The following BICD1 variants were observed in gnomAD, a reference collection of about 807,000 sequenced individuals.
BICD1 encodes the protein protein bicaudal D homolog 1.
Under a neutral mutation model 92.5 loss-of-function variants are expected in BICD1, and 35 were observed. That is an observed-to-expected ratio of 0.38 (90% CI 0.29 to 0.50). The LOEUF (loss-of-function observed/expected upper bound fraction) is 0.50, where lower values mean the gene tolerates loss of function less well. Ranked by LOEUF, BICD1 falls within the 20% of genes least tolerant of loss-of-function variation. The pLI, the probability that BICD1 is intolerant of heterozygous loss-of-function variation, is 0.93. For synonymous variants in BICD1, 429 were observed against 465.1 expected (o/e 0.92, Z 1.00); for missense variants, 950 against 1,189.8 (o/e 0.80, Z 2.97).
chr12:32,334,933 C>G lies in BICD1; in HGVS notation c.2252+266C>G, dbSNP rs186767876. On this transcript the variant is annotated intron_variant, in intron 6 of 9. Transcript: ENST00000652176. Reference sequence around the variant, plus strand: ...GTAAGCTAATATTAATAGGTTGTTTCTAGAATTTATGCACCCCAAAGAGAG... The same window carrying G: ...GTAAGCTAATATTAATAGGTTGTTTGTAGAATTTATGCACCCCAAAGAGAG... 1.1e-3 allele frequency among the ~76,000 whole-genome samples: 166 copies of G among 152,110 alleles called. 1 individual carries two copies. The highest frequency in any genetic ancestry group is 3.8e-3 in the African/African-American group (158 of 41,506).
At chr12:32,346,806 G>C (rs1938649367) in intron 8 of BICD1, among the ~76,000 whole-genome samples, 1 of 149,204 alleles carries the variant, frequency 6.7e-6, no homozygotes, top group African/African-American at 2.5e-5. Context: ...TTCGCTAAGG[G>C]CTACTGTGTT....
At chr12:32,266,722 G>T (rs1378248710) in intron 2 of BICD1, among the ~76,000 whole-genome samples, 1 of 152,040 alleles carries the variant, frequency 6.6e-6, no homozygotes, top group Non-Finnish European at 1.5e-5. Flanking sequence ...GCCAGGCGTG[G>T]TGGTGCATGC....
rs115489748 is a variant in BICD1 at position 32,188,321 on chromosome 12, A to G, written c.214-27926A>G. Among the ~76,000 whole-genome samples, 654 of 152,330 alleles carry G rather than the reference A, an allele frequency of 4.3e-3. 2 individuals are homozygous for G. The highest frequency in any genetic ancestry group is 0.015 in the African/African-American group (623 of 41,564). ...GTCTAGGTATTTTTCCAACTAGCACAACACTTCAGATAGTTTATATATTGG... is the reference window on the plus strand; with the variant it reads ...GTCTAGGTATTTTTCCAACTAGCACGACACTTCAGATAGTTTATATATTGG... On this transcript the variant is annotated intron_variant, in intron 1 of 9. Transcript: ENST00000652176.
At chr12:32,261,189 T>C (rs1054434778) in intron 2 of BICD1, among the ~76,000 whole-genome samples, 2 of 152,132 alleles carry the variant, frequency 1.3e-5, no homozygotes, top group African/African-American at 2.4e-5. Flanking sequence ...CAAATACTTA[T>C]GGATGACCCA....
chr12:32,339,036 CCCTT>C (rs1938252039), intron 8 of BICD1, 57 bp downstream of exon 8: 2 of 1,480,326 alleles, frequency 1.4e-6, no homozygotes, highest in South Asian at 2.8e-5. Flanking sequence ...ATAGACTCTC[CCCTT>C]CCTTCCGGTC....
At chr12:32,114,949 A>G (rs547707796) in intron 1 of BICD1, among the ~76,000 whole-genome samples, 11 of 152,292 alleles carry the variant, frequency 7.2e-5, no homozygotes, top group South Asian at 4.1e-4. Flanking sequence ...ACTAATCTTT[A>G]TCAATCTTAT....
chr12:32,193,450 A>T (rs182192222), intron 1 of BICD1, among the ~76,000 whole-genome samples: 1 of 152,348 alleles, frequency 6.6e-6, no homozygotes, highest in Admixed American at 6.5e-5. Flanking sequence ...CAAAAAATGG[A>T]TGTGACTTGT....
At chr12:32,277,553 A>G (rs532945163) in intron 2 of BICD1, among the ~76,000 whole-genome samples, 52 of 152,206 alleles carry the variant, frequency 3.4e-4, no homozygotes, top group Non-Finnish European at 7.2e-4. Context: ...TCTGGATGGT[A>G]AAGGTGTTTT....
chr12:32,279,423 A>G (rs553546610), intron 2 of BICD1, among the ~76,000 whole-genome samples: 9 of 152,340 alleles, frequency 5.9e-5, no homozygotes, highest in African/African-American at 2.2e-4. Context: ...GATCTTCCCC[A>G]AAAAGCTTTC....
intron 1 of BICD1, among the ~76,000 whole-genome samples, chr12:32,143,431 T>G (rs1943007911): frequency 6.6e-6 from 1 of 152,234 alleles, no homozygotes; most frequent in Admixed American, 6.5e-5. Flanking sequence ...CATATATTAT[T>G]TAATGCTTTT....
At chr12:32,200,463 ATAT>A (rs1319143440) in intron 1 of BICD1, among the ~76,000 whole-genome samples, 7 of 152,194 alleles carry the variant, frequency 4.6e-5, no homozygotes, top group Admixed American at 6.5e-5. Context: ...CAAAGCTTTC[ATAT>A]TATTTTATGA....
chr12:32,270,676 T>C (rs1005625617), intron 2 of BICD1, among the ~76,000 whole-genome samples: 1 of 152,226 alleles, frequency 6.6e-6, no homozygotes, highest in Non-Finnish European at 1.5e-5. Context: ...ACACACTGAA[T>C]TCATTTGGCT....
chr12:32,148,828 T>G (rs1943195274), intron 1 of BICD1, among the ~76,000 whole-genome samples: 1 of 152,098 alleles, frequency 6.6e-6, no homozygotes, highest in South Asian at 2.1e-4. Flanking sequence ...CAGACCAGCC[T>G]AGGCAACATG....
At chr12:32,179,620 A>C (rs1344553290) in intron 1 of BICD1, among the ~76,000 whole-genome samples, 13 of 152,000 alleles carry the variant, frequency 8.6e-5, no homozygotes. Flanking sequence ...GGGAATAAGC[A>C]AAATATTTTT....
At chr12:32,301,686 G>A (rs922283184) in intron 3 of BICD1, among the ~76,000 whole-genome samples, 1 of 151,776 alleles carries the variant, frequency 6.6e-6, no homozygotes, top group African/African-American at 2.4e-5. Flanking sequence ...GAGGTGGGAG[G>A]ATTGATTGAG....
Position 32,328,585 on chromosome 12 carries a change from C to T in BICD1, c.2100+30C>T, listed in dbSNP as rs772921660. ...TCTCATTCTACTGGTGAAAGCATGC[C>T]AGTCAAAGCTTTCTTAACTAATTTA... On this transcript the variant is annotated intron_variant, in intron 5 of 9. Coordinates refer to ENST00000652176, the MANE Select transcript of BICD1 (RefSeq NM_001714.4). The surrounding 1 kb of genome is among the most constrained non-coding windows in gnomAD (Gnocchi z 4.4). 8.2e-6 allele frequency: 13 copies of T among 1,578,192 alleles called. No individual in the cohort carries two copies. The highest frequency in any genetic ancestry group is 1.0e-5 in the Non-Finnish European group (12 of 1,161,198).
intron 1 of BICD1, among the ~76,000 whole-genome samples, chr12:32,115,659 T>A (rs994477140): frequency 2.6e-5 from 4 of 151,926 alleles, no homozygotes; most frequent in Admixed American, 2.0e-4. Context: ...GAGGAAAAGG[T>A]GTAGGTTTGC....
At chr12:32,224,130 T>A (rs1374067713) in intron 2 of BICD1, among the ~76,000 whole-genome samples, 1 of 152,232 alleles carries the variant, frequency 6.6e-6, no homozygotes, top group Non-Finnish European at 1.5e-5. Context: ...GAGCTGTGGT[T>A]ACACATAGCT....
chr12:32,239,322 T>C (rs1435935528), intron 2 of BICD1, among the ~76,000 whole-genome samples: 19 of 150,752 alleles, frequency 1.3e-4, no homozygotes, highest in Admixed American at 2.6e-4. Flanking sequence ...ATCCCAGCAC[T>C]TTGGGAGGCC....
Sources: gnomAD v4.1 joint callset for allele counts (sites outside exome capture counted in the v4.1 genomes callset) on GRCh38, gnomAD v4.1.1 for gene constraint, Gnocchi (gnomAD v3.1) non-coding constraint, MANE v1.5 for transcripts, NCBI Gene and HGNC (gene_info 2026-07-23, HGNC 2026-07-21) for gene names.